The following LARGE1 variants were observed in gnomAD, a reference collection of about 807,000 sequenced individuals.
LARGE1 encodes the protein xylosyl- and glucuronyltransferase LARGE1.
LARGE1 carries 43 observed loss-of-function variants against 87.6 expected under a neutral mutation model. The ratio of observed to expected loss-of-function variants is 0.49; its 90% CI spans 0.38 to 0.63. The LOEUF (loss-of-function observed/expected upper bound fraction) is 0.63. LARGE1 is among the 30% of genes least tolerant of loss of function. The pLI is 0.00. For synonymous variants in LARGE1, 434 were observed against 394.6 expected (o/e 1.10, Z -1.18); for missense variants, 802 against 1,000.2 (o/e 0.80, Z 2.67).
At chr22:33,147,404 A>G in the LARGE1 span, among the ~76,000 whole-genome samples, 1 of 152,168 alleles carries the variant, frequency 6.6e-6, no homozygotes, top group Non-Finnish European at 1.5e-5. Context: ...CATCCTCACA[A>G]AGACTTTATA....
At chr22:33,824,367 G>A (rs1032077997) in intron 1 of LARGE1, among the ~76,000 whole-genome samples, 3 of 152,318 alleles carry the variant, frequency 2.0e-5, no homozygotes, top group Admixed American at 6.5e-5. Context: ...CCTTCACATG[G>A]TGGAAGGAGA....
intron 4 of LARGE1, among the ~76,000 whole-genome samples, chr22:33,625,823 C>T (rs897435103): frequency 3.3e-5 from 5 of 152,086 alleles, no homozygotes; most frequent in African/African-American, 4.8e-5. Context: ...TAATTAAAGA[C>T]CCTATCTCCA....
intron 6 of LARGE1, among the ~76,000 whole-genome samples, chr22:33,477,858 A>T (rs1342119395): frequency 6.6e-6 from 1 of 152,156 alleles, no homozygotes; most frequent in Non-Finnish European, 1.5e-5. Flanking sequence ...AGGATCCCTG[A>T]CTGTCGCTGA....
At chr22:33,432,323 G>C (rs2067108143) in intron 6 of LARGE1, 58 bp from the exon 7 acceptor site, 5 of 1,308,924 alleles carry the variant, frequency 3.8e-6, no homozygotes, top group East Asian at 4.6e-5. Flanking sequence ...ATCTGGATCA[G>C]TGACTATTGA....
At chr22:33,227,912 C>T (rs1925815266) in intron 11 of LARGE1, among the ~76,000 whole-genome samples, 1 of 152,208 alleles carries the variant, frequency 6.6e-6, no homozygotes, top group Non-Finnish European at 1.5e-5. Flanking sequence ...TCTATTTGCT[C>T]ATAGTCAGCA....
intron 2 of LARGE1, among the ~76,000 whole-genome samples, chr22:33,729,975 T>C (rs2083404244): frequency 6.6e-6 from 1 of 152,010 alleles, no homozygotes; most frequent in Admixed American, 6.6e-5. Context: ...TGTGTGTGCG[T>C]GTGTGCATGC....
At chr22:33,743,964 C>T (rs1385017591) in intron 2 of LARGE1, 1 of 152,162 alleles carries the variant, frequency 6.6e-6, no homozygotes, top group Non-Finnish European at 1.5e-5. Flanking sequence ...CTGAGCAATC[C>T]ACTCAGCCAC....
intron 2 of LARGE1, among the ~76,000 whole-genome samples, chr22:33,741,551 G>A (rs866665609): frequency 1.3e-5 from 2 of 152,234 alleles, no homozygotes; most frequent in Non-Finnish European, 2.9e-5. Context: ...GCAGCCAAGT[G>A]CAGAAATGCG....
At chr22:33,554,536 T>A (rs754384550) in intron 6 of LARGE1, among the ~76,000 whole-genome samples, 15 of 152,246 alleles carry the variant, frequency 9.9e-5, no homozygotes, top group African/African-American at 3.4e-4. Context: ...CGCCGTCCAG[T>A]GCTATTCACT....
intron 11 of LARGE1, among the ~76,000 whole-genome samples, chr22:33,219,055 ATCTC>A (rs1046403341): frequency 2.2e-4 from 33 of 152,146 alleles, no homozygotes; most frequent in African/African-American, 7.2e-4. Flanking sequence ...AGGCTCTTGA[ATCTC>A]TCTGACTACA....
chr22:33,191,669 A>G (rs1923787088), intron 11 of LARGE1, among the ~76,000 whole-genome samples: 1 of 152,246 alleles, frequency 6.6e-6, no homozygotes, highest in Non-Finnish European at 1.5e-5. Flanking sequence ...GTGAGCACAG[A>G]CATGAGTGTA....
intron 8 of LARGE1, among the ~76,000 whole-genome samples, chr22:33,383,281 T>C (rs947408199): frequency 2.6e-5 from 4 of 152,268 alleles, no homozygotes; most frequent in African/African-American, 9.6e-5. Context: ...ATTTGTTGGC[T>C]GGGTGCAGAG....
chr22:33,627,169 C>T (rs539649986), intron 3 of LARGE1, among the ~76,000 whole-genome samples: 27 of 152,354 alleles, frequency 1.8e-4, no homozygotes, highest in Admixed American at 8.5e-4. Flanking sequence ...CATCTGTTTA[C>T]GCCCTCTAAG....
intron 11 of LARGE1, among the ~76,000 whole-genome samples, chr22:33,201,295 C>T (rs150794282): frequency 0.032 from 4,581 of 143,232 alleles, 95 homozygotes; most frequent in Admixed American, 0.062. Flanking sequence ...GCAACAAGAG[C>T]GAAACTCCAT....
chr22:33,138,362 T>C, the LARGE1 span, among the ~76,000 whole-genome samples: 1 of 152,162 alleles, frequency 6.6e-6, no homozygotes, highest in Non-Finnish European at 1.5e-5. Flanking sequence ...AGGAAGTAAC[T>C]AACTTGCTTT....
At chr22:33,853,386 A>G (rs149409173) in intron 1 of LARGE1, among the ~76,000 whole-genome samples, 25 of 152,186 alleles carry the variant, frequency 1.6e-4, no homozygotes, top group African/African-American at 5.5e-4. Context: ...GCCAACTTGC[A>G]AAGTGTTAAC....
intron 1 of LARGE1, among the ~76,000 whole-genome samples, chr22:33,795,499 C>T (rs1413017509): frequency 6.6e-6 from 1 of 151,968 alleles, no homozygotes; most frequent in Non-Finnish European, 1.5e-5. Flanking sequence ...TGTGGACCAT[C>T]CCATTACTGA....
At chr22:33,585,490 C>G (rs2078644948) in intron 5 of LARGE1, among the ~76,000 whole-genome samples, 1 of 152,132 alleles carries the variant, frequency 6.6e-6, no homozygotes, top group Non-Finnish European at 1.5e-5. Context: ...GGAGAAGATT[C>G]CCTGTTTGGT....
At chr22:33,184,506 T>C (rs1481348542) in intron 11 of LARGE1, among the ~76,000 whole-genome samples, 1 of 151,668 alleles carries the variant, frequency 6.6e-6, no homozygotes, top group Non-Finnish European at 1.5e-5. Context: ...TTAAAATAAG[T>C]TATCAAAATC....
Sources: gnomAD v4.1 joint callset for allele counts (sites outside exome capture counted in the v4.1 genomes callset) on GRCh38, gnomAD v4.1.1 for gene constraint, MANE v1.5 for transcripts, NCBI Gene and HGNC (gene_info 2026-07-23, HGNC 2026-07-21) for gene names.